The following GNAT3 variants were observed in gnomAD, a reference collection of about 807,000 sequenced individuals.
GNAT3 encodes the protein guanine nucleotide-binding protein G(t) subunit alpha-3.
In GNAT3, 31 loss-of-function variants were observed where a neutral mutation model predicts 37.7. The ratio of observed to expected loss-of-function variants is 0.82; its 90% CI spans 0.62 to 1.11. The LOEUF is 1.11. Among genes scored for constraint, GNAT3 ranks in the 50% most tolerant of loss-of-function variants. GNAT3 has a pLI of 0.00. For synonymous variants in GNAT3, 138 were observed against 139.8 expected, an observed-to-expected ratio of 0.99 and a Z score of 0.09; for missense variants, 437 against 412.5, an observed-to-expected ratio of 1.06 and a Z score of -0.51.
At chr7:80,459,956 C>G (rs760265448) in intron 7 of GNAT3, among the ~76,000 whole-genome samples, 10 of 152,156 alleles carry the variant, frequency 6.6e-5, no homozygotes, top group Non-Finnish European at 1.3e-4. Flanking sequence ...GATAGTCTTA[C>G]CATACAATCC....
chr7:80,489,031 C>T (rs1215021102), intron 2 of GNAT3, among the ~76,000 whole-genome samples: 1 of 152,034 alleles, frequency 6.6e-6, no homozygotes, highest in Non-Finnish European at 1.5e-5. Context: ...GAGTTTGAAA[C>T]TTGACCTTGT....
At chr7:80,460,894 G>C (rs2116134350) in intron 7 of GNAT3, among the ~76,000 whole-genome samples, 1 of 152,212 alleles carries the variant, frequency 6.6e-6, no homozygotes, top group African/African-American at 2.4e-5. Flanking sequence ...GGGAAAGAAA[G>C]TACATGGGAA....
chr7:80,471,512 G>A (rs986521103), intron 5 of GNAT3, among the ~76,000 whole-genome samples: 45 of 151,818 alleles, frequency 3.0e-4, no homozygotes, highest in African/African-American at 1.0e-3. Context: ...CAGTTGTCTC[G>A]TACCCTGGTT....
chr7:80,505,535 T>C (rs754741600), intron 1 of GNAT3, among the ~76,000 whole-genome samples: 1 of 152,032 alleles, frequency 6.6e-6, no homozygotes, highest in Non-Finnish European at 1.5e-5. Flanking sequence ...CCCGGCTAAC[T>C]TTTTATATTT....
At chr7:80,495,571 G>C (rs886260696) in intron 1 of GNAT3, among the ~76,000 whole-genome samples, 2 of 151,990 alleles carry the variant, frequency 1.3e-5, no homozygotes, top group African/African-American at 4.8e-5. Flanking sequence ...CTGGGTTCAA[G>C]TGATTCTCAT....
chr7:80,487,356 G>T (rs1465248068), intron 3 of GNAT3, among the ~76,000 whole-genome samples: 1 of 152,118 alleles, frequency 6.6e-6, no homozygotes, highest in African/African-American at 2.4e-5. Flanking sequence ...ATAGATTGGA[G>T]CAAACTGTGG....
At chr7:80,488,804 T>C (rs1186893480) in intron 2 of GNAT3, 128 bp from the exon 3 acceptor site, 2 of 591,154 alleles carry the variant, frequency 3.4e-6, no homozygotes, top group Non-Finnish European at 5.8e-6. Flanking sequence ...ACCATACATA[T>C]ATGCTAACTC....
intron 5 of GNAT3, among the ~76,000 whole-genome samples, chr7:80,470,285 G>A (rs945257977): frequency 2.0e-5 from 3 of 151,916 alleles, no homozygotes; most frequent in African/African-American, 4.8e-5. Flanking sequence ...GCAGTGGCGC[G>A]ATCTTGGCTC....
At chr7:80,496,813 A>G (rs1268394372) in intron 1 of GNAT3, among the ~76,000 whole-genome samples, 2 of 150,864 alleles carry the variant, frequency 1.3e-5, no homozygotes, top group Admixed American at 6.6e-5. Context: ...ATGAACAGAT[A>G]TAGCTACACC....
chr7:80,498,276 A>T (rs1016817996), intron 1 of GNAT3, among the ~76,000 whole-genome samples: 1 of 152,126 alleles, frequency 6.6e-6, no homozygotes, highest in Non-Finnish European at 1.5e-5. Context: ...AATTATTTGT[A>T]ACTTAGCTGG....
At chr7:80,505,049 G>C (rs1790905890) in intron 1 of GNAT3, among the ~76,000 whole-genome samples, 2 of 152,170 alleles carry the variant, frequency 1.3e-5, no homozygotes, top group Admixed American at 1.3e-4. Context: ...TTTACAGAGG[G>C]ATCAGGGTTA....
chr7:80,491,589 G>A (rs1164889703), intron 2 of GNAT3, among the ~76,000 whole-genome samples: 2 of 152,158 alleles, frequency 1.3e-5, no homozygotes, highest in Admixed American at 6.6e-5. Flanking sequence ...ATAGTTAGAC[G>A]AACCGGGAAA....
At chr7:80,493,624 T>TTCCTCCTCCTCTTTCCTCC (rs1562730417) in intron 2 of GNAT3, among the ~76,000 whole-genome samples, 11 of 80,722 alleles carry the variant, frequency 1.4e-4, no homozygotes, top group East Asian at 4.2e-4. Flanking sequence ...CTCTTTCCTC[T>TTCCTCCTCCTCTTTCCTCC]TCCTCCTCCT....
chr7:80,472,911 C>T (rs1790243251), intron 5 of GNAT3, among the ~76,000 whole-genome samples: 3 of 152,120 alleles, frequency 2.0e-5, no homozygotes, highest in Admixed American at 2.0e-4. Context: ...AGCCTCAAGG[C>T]CCACACTCAG....
At chr7:80,467,660 G>C (rs1790147806) in intron 5 of GNAT3, among the ~76,000 whole-genome samples, 1 of 151,898 alleles carries the variant, frequency 6.6e-6, no homozygotes, top group Non-Finnish European at 1.5e-5. Context: ...TATATTTTTG[G>C]CCGAAGGAAT....
intron 4 of GNAT3, 104 bp downstream of exon 4, chr7:80,478,737 C>T: frequency 2.8e-6 from 3 of 1,086,154 alleles, no homozygotes; most frequent in South Asian, 1.6e-5. Context: ...AATGTAACAC[C>T]ATTTATTTTC....
At chr7:80,491,012 G>A (rs1037391056) in intron 2 of GNAT3, among the ~76,000 whole-genome samples, 1 of 152,152 alleles carries the variant, frequency 6.6e-6, no homozygotes, top group Non-Finnish European at 1.5e-5. Context: ...GATCTTGACA[G>A]CAAGGGTGAA....
chr7:80,473,043 C>A (rs1790245610), intron 5 of GNAT3, among the ~76,000 whole-genome samples: 1 of 152,026 alleles, frequency 6.6e-6, no homozygotes, highest in Non-Finnish European at 1.5e-5. Flanking sequence ...GGACTCAGGG[C>A]CTCAAAGGAA....
intron 3 of GNAT3, among the ~76,000 whole-genome samples, chr7:80,484,052 T>G (rs950999354): frequency 5.3e-5 from 8 of 152,092 alleles, no homozygotes; most frequent in African/African-American, 1.9e-4. Context: ...ATACATGTGC[T>G]ATGGTGGTTT....
Sources: gnomAD v4.1 joint callset for allele counts (sites outside exome capture counted in the v4.1 genomes callset) on GRCh38, gnomAD v4.1.1 for gene constraint, MANE v1.5 for transcripts, NCBI Gene and HGNC (gene_info 2026-07-23, HGNC 2026-07-21) for gene names.